The following LATS2 variants were observed in gnomAD, a reference collection of about 807,000 sequenced individuals.
The protein encoded by LATS2 is serine/threonine-protein kinase LATS2.
In LATS2, 24 loss-of-function variants were observed where a neutral mutation model predicts 76.0. The ratio of observed to expected loss-of-function variants is 0.32; its 90% CI spans 0.23 to 0.44. The LOEUF (loss-of-function observed/expected upper bound fraction) is 0.44, where lower values mean the gene tolerates loss of function less well. Among genes scored for constraint, LATS2 ranks in the 20% least tolerant of loss-of-function variants. The pLI is 1.00. For synonymous variants in LATS2, 692 were observed against 635.4 expected (o/e 1.09, Z -1.34); for missense variants, 1,286 against 1,481.2 (o/e 0.87, Z 2.16).
intron 2 of LATS2, among the ~76,000 whole-genome samples, chr13:21,037,819 C>T (rs979695453): frequency 1.4e-5 from 2 of 145,538 alleles, no homozygotes; most frequent in East Asian, 3.9e-4. Flanking sequence ...GTGGTCAGGA[C>T]CAGGGCGGGT....
intron 7 of LATS2, among the ~76,000 whole-genome samples, chr13:20,976,016 A>G (rs995715810): frequency 7.2e-5 from 11 of 152,224 alleles, no homozygotes; most frequent in African/African-American, 2.4e-4. Context: ...AAAACGGCCA[A>G]CTGGGGTTTT....
At chr13:21,045,602 T>C in intron 2 of LATS2, 83 bp downstream of exon 2, 1 of 1,065,470 alleles carries the variant, frequency 9.4e-7, no homozygotes, top group Non-Finnish European at 1.4e-6. Context: ...TTCAAAGCCT[T>C]CAAGTAGTTG....
chr13:20,997,360 T>C (rs992987354), intron 2 of LATS2, among the ~76,000 whole-genome samples: 5 of 152,178 alleles, frequency 3.3e-5, no homozygotes, highest in African/African-American at 1.2e-4. Context: ...GCCTGGAAAA[T>C]GTGAGATTTG....
intron 4 of LATS2, among the ~76,000 whole-genome samples, chr13:20,986,172 G>C (rs963876679): frequency 6.6e-6 from 1 of 152,120 alleles, no homozygotes; most frequent in Non-Finnish European, 1.5e-5. Context: ...ACCACAATGA[G>C]ATATAATCTC....
intron 1 of LATS2, among the ~76,000 whole-genome samples, chr13:21,047,871 C>T (rs571996532): frequency 4.1e-4 from 62 of 152,228 alleles, no homozygotes; most frequent in African/African-American, 1.4e-3. Context: ...GGATTGTAAG[C>T]GTTTTAACTA....
At chr13:20,993,833 A>G (rs1200061280) in intron 2 of LATS2, among the ~76,000 whole-genome samples, 1 of 152,192 alleles carries the variant, frequency 6.6e-6, no homozygotes, top group Non-Finnish European at 1.5e-5. Flanking sequence ...ACACGATATA[A>G]GACCACATCT....
chr13:21,022,654 G>A (rs1202714372), intron 2 of LATS2, among the ~76,000 whole-genome samples: 1 of 152,128 alleles, frequency 6.6e-6, no homozygotes, highest in African/African-American at 2.4e-5. Flanking sequence ...GGAATCCCGC[G>A]TTTACTGCCT....
intron 1 of LATS2, among the ~76,000 whole-genome samples, chr13:21,060,033 C>T (rs1435480969): frequency 6.6e-6 from 1 of 152,028 alleles, no homozygotes; most frequent in Non-Finnish European, 1.5e-5. Context: ...CGCAAAATAG[C>T]ATTTCTCATC....
intron 1 of LATS2, among the ~76,000 whole-genome samples, chr13:21,060,756 G>A (rs900528185): frequency 2.0e-5 from 3 of 151,378 alleles, no homozygotes; most frequent in Non-Finnish European, 4.4e-5. Flanking sequence ...GCGGCCGGCG[G>A]GGGCCAACAG....
chr13:21,021,474 CAAAA>C (rs58976562), intron 2 of LATS2, among the ~76,000 whole-genome samples: 3 of 48,372 alleles, frequency 6.2e-5, no homozygotes, highest in Non-Finnish European at 1.3e-4. Flanking sequence ...GACTCTGTCT[CAAAA>C]AAAAAAAAAA....
At chr13:21,014,541 C>T (rs1871724384) in intron 2 of LATS2, among the ~76,000 whole-genome samples, 1 of 152,126 alleles carries the variant, frequency 6.6e-6, no homozygotes, top group Admixed American at 6.6e-5. Flanking sequence ...AAACTACACA[C>T]CAGGAAGGTT....
At chr13:21,060,866 GA>G (rs1229798747) in intron 1 of LATS2, among the ~76,000 whole-genome samples, 2 of 151,356 alleles carry the variant, frequency 1.3e-5, no homozygotes, top group Non-Finnish European at 3.0e-5. Flanking sequence ...CGGGGGTCCC[GA>G]GGCTGTCAGG....
At chr13:21,051,250 G>A (rs1463208773) in intron 1 of LATS2, among the ~76,000 whole-genome samples, 1 of 152,198 alleles carries the variant, frequency 6.6e-6, no homozygotes, top group African/African-American at 2.4e-5. Context: ...ACCCACACAA[G>A]GTGACCCTGT....
At chr13:21,014,604 G>A (rs1282275772) in intron 2 of LATS2, among the ~76,000 whole-genome samples, 2 of 152,224 alleles carry the variant, frequency 1.3e-5, no homozygotes, top group Non-Finnish European at 2.9e-5. Context: ...GAACGACGCT[G>A]ACCATCCATG....
chr13:21,038,872 G>A (rs985102827), intron 2 of LATS2, among the ~76,000 whole-genome samples: 4 of 152,120 alleles, frequency 2.6e-5, no homozygotes, highest in Non-Finnish European at 4.4e-5. Flanking sequence ...CCAGCTCCTC[G>A]GGAGGCTGAG....
chr13:20,988,885 C>T lies in LATS2; in HGVS notation c.895G>A (p.Gly299Ser). The change falls in exon 4 of 8, where the codon GGC becomes AGC. Residue 299 changes from glycine to serine, a missense_variant. Gly to Ser is a moderately conservative substitution (Grantham distance 56). This residue lies in a region of LATS2 where 710 missense variants were observed against 660.9 expected (regional missense o/e 1.07). Transcript: ENST00000382592. ...LPTKGQGGPP[G>S]AGLAFPPPAA... is the part of the protein sequence containing the mutation. ...GGGGGTGGGAAAGCGAGGCCGGCGC[C>T]TGGCGGTCCTCCCTGGCCCTTCGTG... The T allele has an allele frequency of 6.4e-7, 1 of 1,550,456 alleles. No individual in the cohort carries two copies. The highest frequency in any genetic ancestry group is 8.7e-7 in the Non-Finnish European group (1 of 1,155,014).
At chr13:21,056,116 C>T (rs1020816412) in intron 1 of LATS2, among the ~76,000 whole-genome samples, 4 of 152,168 alleles carry the variant, frequency 2.6e-5, no homozygotes, top group African/African-American at 9.7e-5. Context: ...ACTATAAGGT[C>T]TCACCTAGGT....
chr13:21,041,888 C>T (rs1167407639), intron 2 of LATS2, among the ~76,000 whole-genome samples: 3 of 152,132 alleles, frequency 2.0e-5, no homozygotes, highest in African/African-American at 4.8e-5. Context: ...AGTGAGCTGA[C>T]GACACCCCCA....
intron 2 of LATS2, among the ~76,000 whole-genome samples, chr13:21,025,837 T>C (rs1050747664): frequency 3.3e-5 from 5 of 152,202 alleles, no homozygotes; most frequent in African/African-American, 1.2e-4. Context: ...GTGGAGATGC[T>C]ACTGATGGCC....
Sources: allele counts gnomAD v4.1 joint callset (sites outside exome capture counted in the v4.1 genomes callset), GRCh38; gene constraint gnomAD v4.1.1; regional missense constraint gnomAD v4.1.1; transcripts MANE v1.5; gene names NCBI Gene and HGNC (gene_info 2026-07-23, HGNC 2026-07-21).